Variants in DNAJC3 observed in about 807,000 individuals in gnomAD.
DNAJC3 encodes the protein dnaJ homolog subfamily C member 3.
In DNAJC3, 38 loss-of-function variants were observed where a neutral mutation model predicts 68.6. The observed-to-expected ratio is 0.55, with a 90% CI of 0.43 to 0.73. The LOEUF (loss-of-function observed/expected upper bound fraction) is 0.73, where lower values mean the gene tolerates loss of function less well. Ranked by LOEUF, DNAJC3 falls within the 30% of genes least tolerant of loss-of-function variation. The pLI is 0.00. For missense variants in DNAJC3, 526 were observed against 591.9 expected (o/e 0.89, Z 1.16); for synonymous variants, 203 against 204.0 (o/e 1.00, Z 0.04).
At chr13:95,767,718 C>T (rs1449587922) in intron 9 of DNAJC3, among the ~76,000 whole-genome samples, 2 of 139,254 alleles carry the variant, frequency 1.4e-5, no homozygotes, top group Admixed American at 7.0e-5. Context: ...GAGACAGAGT[C>T]TTGCTCTGTC....
chr13:95,708,734 A>T (rs1383639716), intron 1 of DNAJC3, among the ~76,000 whole-genome samples: 1 of 152,146 alleles, frequency 6.6e-6, no homozygotes, highest in Non-Finnish European at 1.5e-5. Context: ...TTACTTATTT[A>T]TCATGTCTGT....
rs1258437443 is a variant in DNAJC3 at position 95,794,654 on chromosome 13, T to C, written c.*3624T>C. Reference sequence around the variant, plus strand: ...ACAGATGATCTCATTTGCTGAATGATTGATTTAAGAGTAAAATTAGCCACT... The same window carrying C: ...ACAGATGATCTCATTTGCTGAATGACTGATTTAAGAGTAAAATTAGCCACT... On this transcript the variant is annotated 3_prime_UTR_variant, in exon 12 of 12. Transcript: ENST00000602402. 6.6e-6 allele frequency: 1 copy of C among 152,210 alleles called. No homozygotes were observed. Among genetic ancestry groups the C allele is most frequent in the Non-Finnish European group, 1.5e-5 (1 of 68,030 alleles). The allele number at this position is 152,210 out of a possible 1,614,324, so 9.4% of individuals were successfully genotyped here.
At chr13:95,776,890 C>G (rs552824095) in intron 9 of DNAJC3, among the ~76,000 whole-genome samples, 29 of 152,306 alleles carry the variant, frequency 1.9e-4, no homozygotes, top group African/African-American at 6.5e-4. Flanking sequence ...CATCCTTCCC[C>G]TTTCTTTTCC....
chr13:95,754,486 T>A (rs543842052), intron 4 of DNAJC3, among the ~76,000 whole-genome samples: 1 of 152,286 alleles, frequency 6.6e-6, no homozygotes, highest in Non-Finnish European at 1.5e-5. Flanking sequence ...AGGCCTAGGT[T>A]CATACCTCTC....
chr13:95,764,691 C>CATATATATATACATATATATAT (rs1882933477), intron 9 of DNAJC3, among the ~76,000 whole-genome samples: 1 of 131,446 alleles, frequency 7.6e-6, no homozygotes, highest in African/African-American at 3.0e-5. Flanking sequence ...TATACACACA[C>CATATATATATACATATATATAT]ACACATATAT....
chr13:95,681,456 T>A lies in DNAJC3; in HGVS notation c.82+4119T>A, dbSNP rs549349586. Among the ~76,000 whole-genome samples the A allele has an allele frequency of 3.9e-5, 6 of 152,308 alleles. No homozygotes were observed. In the East Asian group the frequency reaches 1.2e-3, roughly 29 times the overall value. ...GGCTTGACCTCCTGGGCTCAAGCAG[T>A]CCTCCCATCTCAGCCTCCTGAATAG... On this transcript the variant is annotated intron_variant, in intron 1 of 11. Coordinates refer to ENST00000602402, the MANE Select transcript of DNAJC3 (RefSeq NM_006260.5).
intron 2 of DNAJC3, among the ~76,000 whole-genome samples, chr13:95,715,252 A>C (rs1473155408): frequency 6.6e-6 from 1 of 152,160 alleles, no homozygotes; most frequent in Non-Finnish European, 1.5e-5. Context: ...ATAAAAACAA[A>C]ATTAGCCAGG....
intron 4 of DNAJC3, among the ~76,000 whole-genome samples, chr13:95,730,800 G>C (rs1040935320): frequency 6.6e-6 from 1 of 151,970 alleles, no homozygotes; most frequent in Admixed American, 6.6e-5. Flanking sequence ...GCTCTGTTTT[G>C]GTTTCATATG....
intron 9 of DNAJC3, among the ~76,000 whole-genome samples, chr13:95,764,645 C>CATATATATATATATATATATAT (rs755441205): frequency 1.8e-5 from 1 of 56,526 alleles, no homozygotes; most frequent in Non-Finnish European, 3.3e-5. Context: ...AAATAGAATC[C>CATATATATATATATATATATAT]ATATATATAT....
intron 1 of DNAJC3, among the ~76,000 whole-genome samples, chr13:95,706,592 G>C (rs746787860): frequency 1.3e-5 from 2 of 152,130 alleles, no homozygotes; most frequent in Non-Finnish European, 2.9e-5. Flanking sequence ...GAGGAGGACT[G>C]AACATCCTCT....
intron 4 of DNAJC3, among the ~76,000 whole-genome samples, chr13:95,735,133 C>T (rs1242550501): frequency 6.7e-6 from 1 of 149,746 alleles, no homozygotes; most frequent in African/African-American, 2.5e-5. Context: ...ATCCATGTCC[C>T]TACAAAGGAC....
intron 3 of DNAJC3, 91 bp downstream of exon 3, chr13:95,723,457 C>G: frequency 7.1e-7 from 1 of 1,416,764 alleles, no homozygotes; most frequent in East Asian, 2.3e-5. Flanking sequence ...GCATGCTAGA[C>G]ATAGCTGGAA....
Position 95,760,751 on chromosome 13 carries a change from A to C in DNAJC3, c.801A>C (p.Lys267Asn). 2 of 1,612,906 alleles carry C rather than the reference A, an allele frequency of 1.2e-6. No homozygotes were observed. Among genetic ancestry groups the C allele is most frequent in the East Asian group, 2.2e-5 (1 of 44,812 alleles). The stretch of plus-strand genomic sequence containing the variant: ...TTGCACACTATAAACAAGTAAAGAA[A>C]CTTAATAAGCTGATTGAGTCAGCTG... ...RCFAHYKQVK[K>N]LNKLIESAEE... The change falls in exon 7 of 12, where the codon AAA becomes AAC. Residue 267 changes from lysine to asparagine, a missense_variant. Physicochemically the swap from Lys to Asn is moderately conservative, Grantham distance 94. Coordinates refer to ENST00000602402, the MANE Select transcript of DNAJC3 (RefSeq NM_006260.5).
intron 4 of DNAJC3, among the ~76,000 whole-genome samples, chr13:95,735,406 A>T (rs1362378067): frequency 4.2e-5 from 5 of 117,748 alleles, no homozygotes; most frequent in African/African-American, 1.8e-4. Flanking sequence ...ACTGACTTCC[A>T]CAATGGTTGA....
chr13:95,737,758 C>G (rs1347962548), intron 4 of DNAJC3, among the ~76,000 whole-genome samples: 1 of 146,932 alleles, frequency 6.8e-6, no homozygotes, highest in East Asian at 2.0e-4. Context: ...TTTTGTTGAT[C>G]CTTTCAAAAA....
Position 95,740,097 on chromosome 13 carries a change from G to C in DNAJC3, c.393+14845G>C, listed in dbSNP as rs548358352. On this transcript the variant is annotated intron_variant, in intron 4 of 11. Coordinates refer to ENST00000602402, the MANE Select transcript of DNAJC3 (RefSeq NM_006260.5). ...TGTGAGGTGTCAGTGTGCCCCTGCTGGGGGGTGCCTCCCAGTTAGGCTGCT... is the reference window on the plus strand; with the variant it reads ...TGTGAGGTGTCAGTGTGCCCCTGCTCGGGGGTGCCTCCCAGTTAGGCTGCT... Among the ~76,000 whole-genome samples the C allele has an allele frequency of 2.3e-3, 337 of 149,502 alleles. 5 individuals carry two copies. Among genetic ancestry groups the C allele is most frequent in the African/African-American group, 8.3e-3 (322 of 38,930 alleles).
intron 1 of DNAJC3, chr13:95,693,352 C>A (rs997978882): frequency 6.6e-6 from 1 of 152,106 alleles, no homozygotes; most frequent in Non-Finnish European, 1.5e-5. Flanking sequence ...AATACCTGAG[C>A]CCTTTCTAGT....
intron 9 of DNAJC3, among the ~76,000 whole-genome samples, chr13:95,779,448 G>A (rs1883390771): frequency 6.6e-6 from 1 of 152,044 alleles, no homozygotes. Context: ...ATATAGTTAA[G>A]AATATTGACA....
At chr13:95,760,589 AC>A in intron 6 of DNAJC3, 89 bp from the exon 7 acceptor site, 9 of 1,500,276 alleles carry the variant, frequency 6.0e-6, no homozygotes, top group Non-Finnish European at 7.1e-6. Flanking sequence ...ATCGTTGCAA[AC>A]AAAAAATACT....
Sources: allele counts gnomAD v4.1 joint callset (sites outside exome capture counted in the v4.1 genomes callset), GRCh38; gene constraint gnomAD v4.1.1; transcripts MANE v1.5; gene names NCBI Gene and HGNC (gene_info 2026-07-23, HGNC 2026-07-21).